Variants in RPTOR observed in about 807,000 individuals in gnomAD.
RPTOR encodes regulatory associated protein of MTOR complex 1, also known as regulatory-associated protein of mTOR.
Under a neutral mutation model 169.9 loss-of-function variants are expected in RPTOR, and 21 were observed. The observed-to-expected ratio is 0.12, with a 90% CI of 0.09 to 0.18. The LOEUF is 0.18. Ranked by LOEUF, RPTOR falls within the 10% of genes least tolerant of loss-of-function variation. The pLI, the probability that RPTOR is intolerant of heterozygous loss-of-function variation, is 1.00. For synonymous variants in RPTOR, 732 were observed against 753.2 expected, an observed-to-expected ratio of 0.97 and a Z score of 0.46; for missense variants, 1,133 against 1,855.9, an observed-to-expected ratio of 0.61 and a Z score of 7.16.
chr17:80,669,667 G>A (rs961219173), intron 3 of RPTOR, among the ~76,000 whole-genome samples: 1 of 152,166 alleles, frequency 6.6e-6, no homozygotes, highest in Admixed American at 6.5e-5. Flanking sequence ...ACAGGCGTGC[G>A]CCACCGCGCC....
At chr17:80,603,356 TG>T (rs1386602149) in intron 1 of RPTOR, among the ~76,000 whole-genome samples, 2 of 152,214 alleles carry the variant, frequency 1.3e-5, no homozygotes, top group Non-Finnish European at 2.9e-5. Flanking sequence ...TGGTCTAATT[TG>T]TACTAAGTGC....
At chr17:80,923,345 A>G in intron 22 of RPTOR, 145 bp from the exon 23 acceptor site, 1 of 854,048 alleles carries the variant, frequency 1.2e-6, no homozygotes, top group Middle Eastern at 2.2e-4. Flanking sequence ...TTCGGGAGCC[A>G]TGATGGCATG....
At chr17:80,812,844 G>A (rs62069411) in intron 7 of RPTOR, among the ~76,000 whole-genome samples, 5,052 of 152,294 alleles carry the variant, frequency 0.033, 128 homozygotes, top group East Asian at 0.07. Flanking sequence ...GGAACCACAC[G>A]CCCCCAGATT....
intron 22 of RPTOR, among the ~76,000 whole-genome samples, chr17:80,923,158 G>C (rs1237969816): frequency 6.6e-6 from 1 of 152,226 alleles, no homozygotes. Flanking sequence ...ACAGGTGTTT[G>C]CACCTCAGGA....
Position 80,959,959 on chromosome 17 carries a change from G to A in RPTOR, c.3478-119G>A. The A allele has an allele frequency of 7.8e-7, 1 of 1,274,890 alleles. No homozygotes were observed. Among genetic ancestry groups the A allele is most frequent in the Non-Finnish European group, 1.1e-6 (1 of 906,834 alleles). The allele number at this position is 1,274,890 out of a possible 1,614,324, so 79.0% of individuals were successfully genotyped here. On this transcript the variant is annotated intron_variant, in intron 29 of 33. Transcript: ENST00000306801. The surrounding 1 kb of genome is among the most constrained non-coding windows in gnomAD (Gnocchi z 6.7). ...CTGGATAGAGAGAAAGGCCCCTGCA[G>A]CCAGGGAGGGTGATCCCCACAGCCA...
intron 5 of RPTOR, among the ~76,000 whole-genome samples, chr17:80,745,321 G>C (rs1010162547): frequency 1.3e-5 from 2 of 152,150 alleles, no homozygotes; most frequent in African/African-American, 4.8e-5. Context: ...ACAAACCGTT[G>C]TTATGAAGGG....
intron 3 of RPTOR, among the ~76,000 whole-genome samples, chr17:80,678,337 G>T (rs895527603): frequency 1.3e-5 from 2 of 152,206 alleles, no homozygotes; most frequent in African/African-American, 4.8e-5. Flanking sequence ...GGGTGTGGTG[G>T]CTCATGCCTA....
At chr17:80,762,066 C>T (rs1427024273) in intron 6 of RPTOR, among the ~76,000 whole-genome samples, 1 of 152,166 alleles carries the variant, frequency 6.6e-6, no homozygotes, top group Admixed American at 6.5e-5. Flanking sequence ...TATTTTTTCT[C>T]CCCAAACAAG....
intron 3 of RPTOR, among the ~76,000 whole-genome samples, chr17:80,700,736 G>GTGGTGGTGATGGTGA (rs2066089862): frequency 6.2e-5 from 3 of 48,140 alleles, no homozygotes; most frequent in Non-Finnish European, 1.3e-4. Flanking sequence ...GGTGATGATG[G>GTGGTGGTGATGGTGA]TGGTGGTGGT....
chr17:80,925,789 G>C (rs897017465), intron 24 of RPTOR, among the ~76,000 whole-genome samples: 3 of 152,250 alleles, frequency 2.0e-5, no homozygotes, highest in African/African-American at 7.2e-5. Flanking sequence ...CCCATCCCAA[G>C]GCCACGCTTG....
chr17:80,789,245 T>C (rs2067023723), intron 6 of RPTOR, among the ~76,000 whole-genome samples: 1 of 152,244 alleles, frequency 6.6e-6, no homozygotes, highest in Non-Finnish European at 1.5e-5. Context: ...ATACTATCTG[T>C]TGTGGATGAG....
chr17:80,579,537 A>G (rs12453260), intron 1 of RPTOR, among the ~76,000 whole-genome samples: 7,017 of 152,202 alleles, frequency 0.046, 234 homozygotes, highest in Admixed American at 0.086. Flanking sequence ...ACAACACTTC[A>G]CACCTGACTG....
intron 3 of RPTOR, among the ~76,000 whole-genome samples, chr17:80,702,819 C>T (rs2066112451): frequency 6.6e-6 from 1 of 152,218 alleles, no homozygotes; most frequent in African/African-American, 2.4e-5. Context: ...AAGAACAGCA[C>T]TCCTGTTCAG....
intron 4 of RPTOR, among the ~76,000 whole-genome samples, chr17:80,723,622 G>T (rs4889890): frequency 0.99 from 149,145 of 151,230 alleles, 73,622 homozygotes; most frequent in East Asian, 1. Context: ...TTGAGAGTGG[G>T]ATTTAGAAAC....
intron 21 of RPTOR, among the ~76,000 whole-genome samples, chr17:80,912,351 G>A (rs1180720786): frequency 3.3e-5 from 5 of 152,084 alleles, no homozygotes; most frequent in Non-Finnish European, 7.4e-5. Flanking sequence ...AGGTTTGATC[G>A]TTTTCCCCCA....
chr17:80,878,347 C>G lies in RPTOR; in HGVS notation c.1510-2068C>G, dbSNP rs1462432828. 6.6e-6 allele frequency among the ~76,000 whole-genome samples: 1 copy of G among 152,060 alleles called. No individual in the cohort carries two copies. The highest frequency in any genetic ancestry group is 1.5e-5 in the Non-Finnish European group (1 of 67,996). On this transcript the variant is annotated intron_variant, in intron 13 of 33. Coordinates refer to ENST00000306801, the MANE Select transcript of RPTOR (RefSeq NM_020761.3). This position sits in a 1 kb window ranked among gnomAD's most constrained non-coding sequence, Gnocchi z 4.1. ...TTCATCTCTGACTCCACGACCTGAG[C>G]ACAGATTTTTTTTTTTTGAGACGTA...
Position 80,820,004 on chromosome 17 carries a change from G to A in RPTOR, c.891-2197G>A, listed in dbSNP as rs1175715565. 6.6e-6 allele frequency among the ~76,000 whole-genome samples: 1 copy of A among 152,128 alleles called. No individual in the cohort carries two copies. Among genetic ancestry groups the A allele is most frequent in the Non-Finnish European group, 1.5e-5 (1 of 68,020 alleles). ...GGGCGCCTCTCTTCCTGAGGCTTGG[G>A]GACGGTCCTCTGCCCTCATAGTTTG... On this transcript the variant is annotated intron_variant, in intron 7 of 33. Transcript: ENST00000306801. The surrounding 1 kb of genome is among the most constrained non-coding windows in gnomAD (Gnocchi z 4.1).
chr17:80,792,174 C>T (rs61521042), intron 7 of RPTOR, among the ~76,000 whole-genome samples: 52 of 152,264 alleles, frequency 3.4e-4, no homozygotes, highest in African/African-American at 1.2e-3. Context: ...CATCCTGAGT[C>T]ATCCAGGCAG....
At chr17:80,826,770 G>A (rs187535027) in intron 9 of RPTOR, among the ~76,000 whole-genome samples, 160 of 152,338 alleles carry the variant, frequency 1.1e-3, no homozygotes, top group African/African-American at 3.5e-3. Context: ...GTGGGCCCCC[G>A]TGCCGTCACC....
Sources: allele counts gnomAD v4.1 joint callset (sites outside exome capture counted in the v4.1 genomes callset), GRCh38; gene constraint gnomAD v4.1.1; non-coding constraint Gnocchi (gnomAD v3.1); transcripts MANE v1.5; gene names NCBI Gene and HGNC (gene_info 2026-07-23, HGNC 2026-07-21).